Variants in DOCK7 observed in about 807,000 individuals in gnomAD.
The protein encoded by DOCK7 is dedicator of cytokinesis protein 7.
A neutral mutation model predicts 271.0 loss-of-function variants in DOCK7; 138 were observed. The observed-to-expected ratio is 0.51, with a 90% CI of 0.44 to 0.59. The LOEUF is 0.59. Ranked by LOEUF, DOCK7 falls within the 20% of genes least tolerant of loss-of-function variation. The pLI, the probability that DOCK7 is intolerant of heterozygous loss-of-function variation, is 0.00. For missense variants in DOCK7, 2,066 were observed against 2,592.4 expected, an observed-to-expected ratio of 0.80 and a Z score of 4.41; for synonymous variants, 823 against 876.1, an observed-to-expected ratio of 0.94 and a Z score of 1.07.
chr1:62,640,338 T>C (rs1369762557), intron 7 of DOCK7, among the ~76,000 whole-genome samples: 1 of 151,892 alleles, frequency 6.6e-6, no homozygotes, highest in Admixed American at 6.6e-5. Context: ...ATGGCCAACA[T>C]GGGGAAACCC....
chr1:62,511,021 T>C, intron 33 of DOCK7: 1 of 195,408 alleles, frequency 5.1e-6, no homozygotes, highest in Non-Finnish European at 1.0e-5. Context: ...CTTTCTGTTA[T>C]CCTTGCGAAT....
intron 48 of DOCK7, chr1:62,458,941 A>G (rs777355471): frequency 1.3e-5 from 2 of 152,224 alleles, no homozygotes; most frequent in Non-Finnish European, 2.9e-5. Flanking sequence ...AATAATATAT[A>G]TATCTCTACA....
chr1:62,575,524 C>T (rs1646919450), intron 18 of DOCK7, among the ~76,000 whole-genome samples: 1 of 152,100 alleles, frequency 6.6e-6, no homozygotes, highest in African/African-American at 2.4e-5. Flanking sequence ...GAAATACATG[C>T]TAATTAACTG....
chr1:62,664,423 T>A (rs1026587905), intron 1 of DOCK7, among the ~76,000 whole-genome samples: 1 of 152,158 alleles, frequency 6.6e-6, no homozygotes, highest in Non-Finnish European at 1.5e-5. Context: ...CCAGCCACCA[T>A]GTAAGATGTC....
At chr1:62,473,935 T>C (rs749533732) in intron 48 of DOCK7, 47 bp downstream of exon 48, 47 of 1,505,282 alleles carry the variant, frequency 3.1e-5, no homozygotes, top group Non-Finnish European at 4.2e-5. Context: ...TACTGTGGTA[T>C]TGGACAGTCT....
intron 12 of DOCK7, among the ~76,000 whole-genome samples, chr1:62,620,883 CAAAAAAAAAAAA>C (rs767181280): frequency 1.3e-4 from 4 of 31,148 alleles, no homozygotes; most frequent in African/African-American, 2.8e-4. Context: ...GACTCCGTCT[CAAAAAAAAAAAA>C]AAAAAAAAAG....
intron 7 of DOCK7, chr1:62,641,138 C>A: frequency 3.2e-6 from 1 of 310,078 alleles, no homozygotes; most frequent in South Asian, 3.0e-5. Context: ...GTCCATGGCT[C>A]TTGAGGACCT....
intron 25 of DOCK7, among the ~76,000 whole-genome samples, 157 bp from the exon 26 acceptor site, chr1:62,540,049 T>C (rs911871977): frequency 2.0e-5 from 3 of 152,126 alleles, no homozygotes; most frequent in Non-Finnish European, 2.9e-5. Context: ...CCCTACAATG[T>C]TTTGTATTTG....
chr1:62,594,094 C>T (rs796554744), intron 14 of DOCK7, among the ~76,000 whole-genome samples: 8 of 152,086 alleles, frequency 5.3e-5, no homozygotes, highest in African/African-American at 1.9e-4. Context: ...CCTACATTTG[C>T]TTACAAGTTT....
intron 48 of DOCK7, chr1:62,458,804 T>TA (rs1397856444): frequency 1.3e-5 from 2 of 152,250 alleles, no homozygotes; most frequent in African/African-American, 4.8e-5. Flanking sequence ...GTGCTGGGAT[T>TA]ACAGGCGTGA....
chr1:62,581,149 T>C (rs1208086825), intron 16 of DOCK7, among the ~76,000 whole-genome samples: 1 of 152,186 alleles, frequency 6.6e-6, no homozygotes, highest in Non-Finnish European at 1.5e-5. Flanking sequence ...AACAGATTAC[T>C]TCAAGTTTGA....
intron 18 of DOCK7, among the ~76,000 whole-genome samples, chr1:62,562,018 A>G (rs1646339923): frequency 6.6e-6 from 1 of 151,654 alleles, no homozygotes; most frequent in African/African-American, 2.4e-5. Context: ...ATGTACATAT[A>G]TTTTTATACA....
chr1:62,520,043 G>A (rs1478554527), intron 31 of DOCK7, among the ~76,000 whole-genome samples: 1 of 152,132 alleles, frequency 6.6e-6, no homozygotes, highest in African/African-American at 2.4e-5. Context: ...GAACCGCCTA[G>A]CCATATGCAG....
intron 20 of DOCK7, 120 bp downstream of exon 20, chr1:62,558,869 C>T: frequency 1.3e-6 from 1 of 770,386 alleles, no homozygotes; most frequent in Non-Finnish European, 2.0e-6. Flanking sequence ...ACATCTTCCA[C>T]CCCAAATCAA....
intron 13 of DOCK7, among the ~76,000 whole-genome samples, 158 bp downstream of exon 13, chr1:62,619,742 C>T (rs897905351): frequency 1.6e-4 from 24 of 151,580 alleles, no homozygotes; most frequent in African/African-American, 5.6e-4. Context: ...ACTGTCAGAT[C>T]ACATGATAGT....
chr1:62,645,967 G>C (rs766962698), intron 7 of DOCK7, among the ~76,000 whole-genome samples: 2 of 151,770 alleles, frequency 1.3e-5, no homozygotes, highest in Non-Finnish European at 2.9e-5. Context: ...CCAACGTGGT[G>C]AAACCTCATC....
At chr1:62,561,781 C>G in intron 18 of DOCK7, 78 bp from the exon 19 acceptor site, 1 of 766,866 alleles carries the variant, frequency 1.3e-6, no homozygotes, top group Non-Finnish European at 2.0e-6. Context: ...ATTACAATAT[C>G]CCAATGAGAA....
At chr1:62,455,680 C>T (rs953344552) in intron 49 of DOCK7, among the ~76,000 whole-genome samples, 5 of 152,070 alleles carry the variant, frequency 3.3e-5, no homozygotes, top group South Asian at 2.1e-4. Flanking sequence ...CTTTTGTATT[C>T]GTTTGTCTGA....
chr1:62,528,428 T>C (rs1645079672), intron 30 of DOCK7, 123 bp from the exon 31 acceptor site: 2 of 874,500 alleles, frequency 2.3e-6, no homozygotes, highest in South Asian at 5.0e-5. Context: ...GATTTACTTC[T>C]TTTGGATAAT....
Sources: gnomAD v4.1 joint callset for allele counts (sites outside exome capture counted in the v4.1 genomes callset) on GRCh38, gnomAD v4.1.1 for gene constraint, MANE v1.5 for transcripts, NCBI Gene and HGNC (gene_info 2026-07-23, HGNC 2026-07-21) for gene names.